SLC27A6: variants seen among roughly 807,000 people sequenced by gnomAD.
SLC27A6 encodes solute carrier family 27 member 6, also known as long-chain fatty acid transport protein 6.
SLC27A6 carries 74 observed loss-of-function variants against 63.9 expected under a neutral mutation model. That is an observed-to-expected ratio of 1.16 (90% confidence interval 0.96 to 1.40). The LOEUF (loss-of-function observed/expected upper bound fraction) is 1.40, where lower values mean the gene tolerates loss of function less well. Among genes scored for constraint, SLC27A6 ranks in the 40% most tolerant of loss-of-function variants. The probability of loss-of-function intolerance (pLI) is 0.00; values close to 1 mark genes in which losing one functional copy is unlikely to be tolerated. For synonymous variants in SLC27A6, 287 were observed against 260.8 expected, an observed-to-expected ratio of 1.10 and a Z score of -0.97; for missense variants, 794 against 732.9, an observed-to-expected ratio of 1.08 and a Z score of -0.96.
intron 4 of SLC27A6, among the ~76,000 whole-genome samples, chr5:129,014,282 T>C (rs1401826926): frequency 6.6e-6 from 1 of 152,182 alleles, no homozygotes; most frequent in African/African-American, 2.4e-5. Flanking sequence ...GCGTAGCCTC[T>C]AGGTGTGTCT....
chr5:129,001,962 A>G (rs1365714006), intron 4 of SLC27A6, among the ~76,000 whole-genome samples: 4 of 152,246 alleles, frequency 2.6e-5, no homozygotes, highest in Non-Finnish European at 5.9e-5. Flanking sequence ...GCAGCAGCTC[A>G]GCAGACACTG....
At chr5:128,973,765 C>A (rs1250679878) in intron 1 of SLC27A6, among the ~76,000 whole-genome samples, 1 of 152,232 alleles carries the variant, frequency 6.6e-6, no homozygotes, top group African/African-American at 2.4e-5. Context: ...TGCTCACACT[C>A]TGTGGGTTGC....
chr5:128,990,493 A>G (rs1219371977), intron 4 of SLC27A6, 29 bp downstream of exon 4: 5 of 1,563,380 alleles, frequency 3.2e-6, no homozygotes, highest in East Asian at 2.4e-5. Context: ...AGAAAAAAAT[A>G]TGTCAGAAAG....
intron 4 of SLC27A6, among the ~76,000 whole-genome samples, chr5:129,002,972 C>T (rs1010805955): frequency 3.9e-5 from 6 of 152,150 alleles, no homozygotes; most frequent in Non-Finnish European, 7.3e-5. Flanking sequence ...TTGAGTGTAT[C>T]TGTGGGTCTC....
In SLC27A6 at chr5:129,015,923, T is replaced by A; in HGVS notation, c.1008T>A (p.Ile336=). 6.3e-7 allele frequency: 1 copy of A among 1,599,038 alleles called. No individual in the cohort carries two copies. The highest frequency in any genetic ancestry group is 2.3e-5 in the East Asian group (1 of 43,896). ...AGGATCATAAGGTGCGTTTGGCAATTGGAAATGGCATACGGAGTGATGTAT... is the reference window on the plus strand; with the variant it reads ...AGGATCATAAGGTGCGTTTGGCAATAGGAAATGGCATACGGAGTGATGTAT... The part of the protein sequence containing the change: ...GEKDHKVRLA[I]GNGIRSDVWR... Residue 336 remains isoleucine (I), a synonymous_variant, in exon 5 of 10, where the codon ATT becomes ATA. Transcript: ENST00000262462.
At chr5:128,976,119 C>T (rs1291309540) in intron 1 of SLC27A6, among the ~76,000 whole-genome samples, 1 of 151,818 alleles carries the variant, frequency 6.6e-6, no homozygotes, top group Non-Finnish European at 1.5e-5. Flanking sequence ...AAAAGTAAAA[C>T]AGATACCATG....
chr5:129,000,037 G>T lies in SLC27A6; in HGVS notation c.969+9573G>T, dbSNP rs539170168. Among the ~76,000 whole-genome samples, 3 of 152,210 alleles carry T rather than the reference G, an allele frequency of 2.0e-5. No individual in the cohort carries two copies. The East Asian group carries it at 5.8e-4, about 29-fold the overall frequency. On this transcript the variant is annotated intron_variant, in intron 4 of 9. Transcript: ENST00000262462. ...AGGGTGAAAGTTCCTGGGCATTTAGGCCTGTATATGTTGATCTGAACATAC... is the reference window on the plus strand; with the variant it reads ...AGGGTGAAAGTTCCTGGGCATTTAGTCCTGTATATGTTGATCTGAACATAC...
chr5:129,008,919 T>C (rs904828183), intron 4 of SLC27A6, among the ~76,000 whole-genome samples: 2 of 147,384 alleles, frequency 1.4e-5, no homozygotes, highest in Non-Finnish European at 3.0e-5. Flanking sequence ...CAGGCTGGAG[T>C]GCAGTGGTGC....
intron 4 of SLC27A6, among the ~76,000 whole-genome samples, chr5:128,994,346 AT>A (rs963252078): frequency 8.5e-5 from 13 of 152,324 alleles, no homozygotes; most frequent in African/African-American, 3.1e-4. Flanking sequence ...GCAGAGAAGC[AT>A]TGTACTACCT....
At chr5:128,997,238 A>G (rs1751190797) in intron 4 of SLC27A6, among the ~76,000 whole-genome samples, 1 of 152,142 alleles carries the variant, frequency 6.6e-6, no homozygotes, top group African/African-American at 2.4e-5. Flanking sequence ...TAGCTTTCAA[A>G]ACAATTGATT....
At chr5:128,970,340 A>G (rs1750095814) in intron 1 of SLC27A6, among the ~76,000 whole-genome samples, 1 of 152,150 alleles carries the variant, frequency 6.6e-6, no homozygotes, top group Admixed American at 6.5e-5. Flanking sequence ...AATGGTACCA[A>G]TTCCTGTTTG....
chr5:128,982,072 C>T (rs1750611516), intron 1 of SLC27A6, among the ~76,000 whole-genome samples: 1 of 152,082 alleles, frequency 6.6e-6, no homozygotes, highest in South Asian at 2.1e-4. Context: ...CTTCAGCCTC[C>T]TAAGGTGCTG....
chr5:129,014,206 G>A (rs1417105676), intron 4 of SLC27A6, among the ~76,000 whole-genome samples: 7 of 152,118 alleles, frequency 4.6e-5, no homozygotes, highest in Admixed American at 3.3e-4. Context: ...TTACATAATA[G>A]AGATGCATCT....
intron 4 of SLC27A6, among the ~76,000 whole-genome samples, chr5:129,005,625 T>TC (rs1161553161): frequency 4.0e-4 from 58 of 146,078 alleles, no homozygotes; most frequent in Non-Finnish European, 7.4e-4. Context: ...TTTTTTTTTT[T>TC]TTTGCGAGAC....
chr5:129,028,305 A>G, intron 7 of SLC27A6, 40 bp from the exon 8 acceptor site: 1 of 1,370,428 alleles, frequency 7.3e-7, no homozygotes, highest in South Asian at 1.2e-5. Context: ...AGTTTTTCAA[A>G]TACAGGTGCA....
At chr5:128,990,683 C>T (rs1040516306) in intron 4 of SLC27A6, among the ~76,000 whole-genome samples, 3 of 152,078 alleles carry the variant, frequency 2.0e-5, no homozygotes, top group Admixed American at 6.5e-5. Context: ...CTTGGCCTCA[C>T]GGATTCCAAG....
Position 129,023,718 on chromosome 5 carries a change from T to C in SLC27A6, c.1255+8T>C. The C allele has an allele frequency of 6.3e-7, 1 of 1,587,794 alleles. No homozygotes were observed. The highest frequency in any genetic ancestry group is 8.6e-7 in the Non-Finnish European group (1 of 1,159,620). On this transcript the variant is annotated splice_region_variant and intron_variant, in intron 6 of 9. Transcript: ENST00000262462. ...GTATTCATGTGAAAAAAGGTAAGAC[T>C]TCTATTTGAAGACATCTCCTCAAGC...
At chr5:129,023,472 CA>C in intron 5 of SLC27A6, 147 bp from the exon 6 acceptor site, 2 of 502,918 alleles carry the variant, frequency 4.0e-6, no homozygotes, top group Non-Finnish European at 6.9e-6. Flanking sequence ...AATTTGTCTT[CA>C]GTAAAAGTTG....
In SLC27A6 at chr5:128,966,552, A is replaced by G. The variant is rs1443852185; in HGVS notation, c.415A>G (p.Ile139Val). The G allele has an allele frequency of 1.3e-6, 2 of 1,577,348 alleles. No individual in the cohort carries two copies. Among genetic ancestry groups the G allele is most frequent in the Admixed American group, 3.6e-5 (2 of 55,084 alleles). ...GCVVAFLNTN[I>V]RSNSLLNCIR... ...CGTGGTGGCCTTTCTCAACACCAAC[A>G]TTCGCTCCAACTCCCTCCTGAATTG... Residue 139 changes from isoleucine to valine, a missense_variant, in exon 1 of 10, where the codon ATT becomes GTT. Transcript: ENST00000262462.
Sources: gnomAD v4.1 joint callset for allele counts (sites outside exome capture counted in the v4.1 genomes callset) on GRCh38, gnomAD v4.1.1 for gene constraint, MANE v1.5 for transcripts, NCBI Gene and HGNC (gene_info 2026-07-23, HGNC 2026-07-21) for gene names.